Variants in CSMD1 observed in about 807,000 individuals in gnomAD.
CSMD1 encodes the protein CUB and Sushi multiple domains 1.
CSMD1 carries 213 observed loss-of-function variants against 417.5 expected under a neutral mutation model. The ratio of observed to expected loss-of-function variants is 0.51; its 90% CI spans 0.46 to 0.57. CSMD1 has a LOEUF of 0.57. Ranked by LOEUF, CSMD1 falls within the 20% of genes least tolerant of loss-of-function variation. The probability of loss-of-function intolerance (pLI) is 0.00; values close to 1 mark genes in which losing one functional copy is unlikely to be tolerated. For missense variants in CSMD1, 6,923 were observed against 4,529.7 expected, an observed-to-expected ratio of 1.53 and a Z score of -15.17; for synonymous variants, 2,862 against 1,736.8, an observed-to-expected ratio of 1.65 and a Z score of -16.11.
At chr8:3,512,864 G>A in intron 10 of CSMD1, among the ~76,000 whole-genome samples, 1 of 152,006 alleles carries the variant, frequency 6.6e-6, no homozygotes, top group African/African-American at 2.4e-5. Context: ...CCAAAATGCT[G>A]GGATTACAGG....
At chr8:3,595,059 A>C (rs746301607) in intron 8 of CSMD1, among the ~76,000 whole-genome samples, 12 of 152,174 alleles carry the variant, frequency 7.9e-5, no homozygotes, top group Non-Finnish European at 1.6e-4. Flanking sequence ...GGGAACATTC[A>C]TCTCTATTTT....
At chr8:3,984,730 T>C (rs1460230682) in intron 5 of CSMD1, among the ~76,000 whole-genome samples, 1 of 125,370 alleles carries the variant, frequency 8.0e-6, no homozygotes, top group African/African-American at 3.1e-5. Context: ...TATATATATA[T>C]ATATATATAT....
intron 3 of CSMD1, among the ~76,000 whole-genome samples, chr8:4,225,864 T>C (rs533125712): frequency 4.8e-4 from 73 of 152,304 alleles, no homozygotes; most frequent in African/African-American, 1.8e-3. Flanking sequence ...GTTTTAACTG[T>C]GCATATATTT....
At chr8:3,306,743 TAAAAATA>T (rs527319024) in intron 25 of CSMD1, among the ~76,000 whole-genome samples, 217 of 152,188 alleles carry the variant, frequency 1.4e-3, no homozygotes, top group Non-Finnish European at 2.4e-3. Context: ...AAACAAGAAC[TAAAAATA>T]AAACTGATTT....
intron 16 of CSMD1, among the ~76,000 whole-genome samples, chr8:3,397,253 C>T (rs953173968): frequency 3.9e-5 from 6 of 152,114 alleles, no homozygotes; most frequent in Admixed American, 1.3e-4. Flanking sequence ...CACTTTGAGC[C>T]AAAGGATCCC....
intron 2 of CSMD1, among the ~76,000 whole-genome samples, chr8:4,423,019 A>C (rs1797337079): frequency 6.6e-6 from 1 of 152,044 alleles, no homozygotes; most frequent in Non-Finnish European, 1.5e-5. Flanking sequence ...GATTGGAAGG[A>C]ATCTTCTCCA....
chr8:4,656,110 G>C (rs931919517), intron 1 of CSMD1, among the ~76,000 whole-genome samples: 1 of 152,086 alleles, frequency 6.6e-6, no homozygotes, highest in Non-Finnish European at 1.5e-5. Flanking sequence ...TGGGGGCAAA[G>C]TGTATCGTGT....
intron 4 of CSMD1, among the ~76,000 whole-genome samples, chr8:4,010,667 T>C (rs1203426110): frequency 6.6e-6 from 1 of 152,154 alleles, no homozygotes; most frequent in Non-Finnish European, 1.5e-5. Flanking sequence ...TCATGGGACC[T>C]AGAGTTCCCT....
At chr8:3,738,130 A>G (rs1796617373) in intron 6 of CSMD1, among the ~76,000 whole-genome samples, 1 of 152,170 alleles carries the variant, frequency 6.6e-6, no homozygotes, top group Non-Finnish European at 1.5e-5. Flanking sequence ...TTTATTTACT[A>G]AATACATTTA....
intron 3 of CSMD1, among the ~76,000 whole-genome samples, chr8:4,081,621 G>T (rs566408355): frequency 6.6e-6 from 1 of 151,976 alleles, no homozygotes; most frequent in Non-Finnish European, 1.5e-5. Flanking sequence ...TTTTTTGAAG[G>T]ACAAATGGAG....
chr8:3,558,494 A>G (rs568554251), intron 10 of CSMD1, among the ~76,000 whole-genome samples: 20 of 150,684 alleles, frequency 1.3e-4, no homozygotes, highest in Non-Finnish European at 2.1e-4. Context: ...TCCAATGATG[A>G]ACGGTGCCTC....
At chr8:3,931,803 C>T (rs1234805119) in intron 5 of CSMD1, among the ~76,000 whole-genome samples, 1 of 147,450 alleles carries the variant, frequency 6.8e-6, no homozygotes, top group African/African-American at 2.5e-5. Context: ...ATTAAGTGGG[C>T]AATGGGACTT....
intron 2 of CSMD1, among the ~76,000 whole-genome samples, chr8:4,468,658 T>C (rs1373650488): frequency 6.6e-6 from 1 of 152,210 alleles, no homozygotes; most frequent in Non-Finnish European, 1.5e-5. Flanking sequence ...TAAACCTAGG[T>C]AGATCTCCTC....
chr8:3,167,603 T>C (rs1443920741), intron 37 of CSMD1, among the ~76,000 whole-genome samples: 4 of 152,256 alleles, frequency 2.6e-5, no homozygotes, highest in East Asian at 1.9e-4. Context: ...TTTACAAAGA[T>C]GCTTCTATGT....
At chr8:3,733,709 G>C (rs1168417970) in intron 6 of CSMD1, among the ~76,000 whole-genome samples, 1 of 152,124 alleles carries the variant, frequency 6.6e-6, no homozygotes, top group African/African-American at 2.4e-5. Flanking sequence ...CTCAGGGACT[G>C]GATGGACGCC....
At chr8:3,260,191 C>A (rs1800951155) in intron 26 of CSMD1, among the ~76,000 whole-genome samples, 1 of 152,128 alleles carries the variant, frequency 6.6e-6, no homozygotes, top group Non-Finnish European at 1.5e-5. Flanking sequence ...GCTTTATTAT[C>A]TGCTTCCTCA....
At chr8:3,755,867 C>T (rs989721978) in intron 5 of CSMD1, among the ~76,000 whole-genome samples, 1 of 152,060 alleles carries the variant, frequency 6.6e-6, no homozygotes, top group Non-Finnish European at 1.5e-5. Context: ...TTATGTAGTA[C>T]TGGCTGGTGA....
intron 2 of CSMD1, among the ~76,000 whole-genome samples, chr8:4,483,519 C>T (rs1202819730): frequency 6.6e-6 from 1 of 152,142 alleles, no homozygotes; most frequent in Non-Finnish European, 1.5e-5. Context: ...GTCATACAAA[C>T]ATGAGTGACA....
At chr8:3,353,362 G>C (rs868011736) in intron 21 of CSMD1, among the ~76,000 whole-genome samples, 1 of 152,122 alleles carries the variant, frequency 6.6e-6, no homozygotes, top group Non-Finnish European at 1.5e-5. Context: ...ATTCCTATCT[G>C]CTCTCTAACA....
Sources: allele counts gnomAD v4.1 joint callset (sites outside exome capture counted in the v4.1 genomes callset), GRCh38; gene constraint gnomAD v4.1.1; transcripts MANE v1.5; gene names NCBI Gene and HGNC (gene_info 2026-07-23, HGNC 2026-07-21).